Variants in BCAS3 observed in about 807,000 individuals in gnomAD.
BCAS3 encodes the protein BCAS4/BCAS3 fusion.
In BCAS3, 53 loss-of-function variants were observed where a neutral mutation model predicts 116.1. The ratio of observed to expected loss-of-function variants is 0.46; its 90% confidence interval spans 0.37 to 0.57. The LOEUF is 0.57. Among genes scored for constraint, BCAS3 ranks in the 20% least tolerant of loss-of-function variants. The probability of loss-of-function intolerance (pLI) is 0.00; values close to 1 mark genes in which losing one functional copy is unlikely to be tolerated. For missense variants in BCAS3, 917 were observed against 1,165.4 expected, an observed-to-expected ratio of 0.79 and a Z score of 3.10; for synonymous variants, 391 against 408.2, an observed-to-expected ratio of 0.96 and a Z score of 0.51.
intron 23 of BCAS3, among the ~76,000 whole-genome samples, chr17:61,375,977 G>T (rs916789835): frequency 6.6e-6 from 1 of 152,182 alleles, no homozygotes; most frequent in Non-Finnish European, 1.5e-5. Context: ...ATTTGACTTT[G>T]CAGACATTTC....
Position 61,092,159 on chromosome 17 carries a change from G to A in BCAS3, c.2425+7595G>A, listed in dbSNP as rs757501457. Among the ~76,000 whole-genome samples the A allele has an allele frequency of 7.2e-5, 11 of 152,208 alleles. No homozygotes were observed. The Middle Eastern group carries it at 0.01, about 141-fold the overall frequency. On this transcript the variant is annotated intron_variant, in intron 22 of 23. Coordinates refer to ENST00000407086, the MANE Select transcript of BCAS3 (RefSeq NM_017679.5). Reference sequence around the variant, plus strand: ...CTCTTTTGCTCAACTTAATTTGTTTGAGATTCATCCAGGTATTACATGAAT... The same window carrying A: ...CTCTTTTGCTCAACTTAATTTGTTTAAGATTCATCCAGGTATTACATGAAT...
chr17:60,849,989 C>G (rs1004112929), intron 7 of BCAS3, among the ~76,000 whole-genome samples: 3 of 152,112 alleles, frequency 2.0e-5, no homozygotes, highest in Non-Finnish European at 4.4e-5. Flanking sequence ...AACTTCTGGG[C>G]TCAAGCAATC....
At chr17:61,297,804 G>T (rs545086842) in intron 22 of BCAS3, among the ~76,000 whole-genome samples, 2 of 152,148 alleles carry the variant, frequency 1.3e-5, no homozygotes, top group Admixed American at 1.3e-4. Context: ...TGCTCTCAAC[G>T]GTATTTTTAT....
At chr17:61,015,464 A>T (rs2065391163) in intron 15 of BCAS3, among the ~76,000 whole-genome samples, 1 of 151,976 alleles carries the variant, frequency 6.6e-6, no homozygotes, top group African/African-American at 2.4e-5. Flanking sequence ...AATTTTTGAT[A>T]TTTTTTGTAG....
chr17:61,122,942 C>CTT lies in BCAS3; in HGVS notation c.2425+38393_2425+38394dup, dbSNP rs199905153. Among the ~76,000 whole-genome samples the CTT allele has an allele frequency of 5.1e-5, 7 of 136,276 alleles. No individual in the cohort carries two copies. The highest frequency in any genetic ancestry group is 2.4e-4 in the South Asian group (1 of 4,206). The allele number at this position is 136,276 out of a possible 152,430, so 89.4% of individuals were successfully genotyped here. On this transcript the variant is annotated intron_variant, in intron 22 of 23. Transcript: ENST00000407086. This position sits in a 1 kb window ranked among gnomAD's most constrained non-coding sequence, Gnocchi z 4.6. ...GAAAGATTCCACATTATGGGTAAGT[C>CTT]TTTTTTTTTTTTTTTTGAGATGGAG...
At position 61,077,709 on chromosome 17, in the gene BCAS3, G is replaced by GA. The variant is rs1307850206; in HGVS notation, c.2131-620dup. Among the ~76,000 whole-genome samples the GA allele has an allele frequency of 2.6e-5, 4 of 152,106 alleles. No homozygotes were observed. Among genetic ancestry groups the GA allele is most frequent in the Non-Finnish European group, 4.4e-5 (3 of 68,014 alleles). On this transcript the variant is annotated intron_variant, in intron 20 of 23. Transcript: ENST00000407086. This position sits in a 1 kb window ranked among gnomAD's most constrained non-coding sequence, Gnocchi z 4.3. ...TGGAAGACAAAAATCTAGTTTGAGAGAAAATATATAATAATGTTTTCATTT... is the reference window on the plus strand; with the variant it reads ...TGGAAGACAAAAATCTAGTTTGAGAGAAAAATATATAATAATGTTTTCATTT...
In BCAS3 at chr17:61,271,424, A is replaced by ATTTTTTTTT. The variant is rs71148400; in HGVS notation, c.2426-96898_2426-96890dup. ...TACAGGTGTAAGCCACCATGCCCGG[A>ATTTTTTTTT]TTTTTTTTTTTTTGTCTTAGGTGGA... On this transcript the variant is annotated intron_variant, in intron 22 of 23. Coordinates refer to ENST00000407086, the MANE Select transcript of BCAS3 (RefSeq NM_017679.5). Among the ~76,000 whole-genome samples the ATTTTTTTTT allele has an allele frequency of 2.2e-3, 153 of 70,240 alleles. 27 individuals carry two copies. Among genetic ancestry groups the ATTTTTTTTT allele is most frequent in the East Asian group, 6.9e-3 (13 of 1,888 alleles). 46.1% of individuals were successfully genotyped at this position (70,240 alleles called of 152,430 possible). A position where few individuals can be genotyped will look rare whatever the true frequency, so the allele number is the denominator to read the frequency against.
At chr17:60,830,899 T>G (rs7225552) in intron 7 of BCAS3, among the ~76,000 whole-genome samples, 32,984 of 151,170 alleles carry the variant, frequency 0.22, 4,644 homozygotes, top group African/African-American at 0.41. Context: ...TAAGACAAGG[T>G]CTTACTCTGT....
At chr17:60,704,401 G>A (rs1244240189) in intron 4 of BCAS3, among the ~76,000 whole-genome samples, 1 of 152,138 alleles carries the variant, frequency 6.6e-6, no homozygotes, top group East Asian at 1.9e-4. Flanking sequence ...CCTGAGCCTT[G>A]GAGGGAAAAG....
chr17:60,784,064 T>A (rs773961713), intron 6 of BCAS3, among the ~76,000 whole-genome samples: 5 of 152,156 alleles, frequency 3.3e-5, no homozygotes, highest in Non-Finnish European at 7.4e-5. Flanking sequence ...TCTAAACATC[T>A]GGAATATGGT....
chr17:60,798,235 A>G (rs1431550049), intron 6 of BCAS3, among the ~76,000 whole-genome samples: 2 of 152,224 alleles, frequency 1.3e-5, no homozygotes, highest in East Asian at 3.8e-4. Flanking sequence ...ATTTTCATAA[A>G]TGTGTAATGA....
intron 22 of BCAS3, among the ~76,000 whole-genome samples, chr17:61,329,048 C>G (rs1300716377): frequency 6.6e-6 from 1 of 151,918 alleles, no homozygotes; most frequent in Non-Finnish European, 1.5e-5. Flanking sequence ...GTGCCCACCA[C>G]CACGCCCGGC....
chr17:60,684,371 A>C (rs2033713389), intron 3 of BCAS3, among the ~76,000 whole-genome samples: 1 of 152,066 alleles, frequency 6.6e-6, no homozygotes, highest in African/African-American at 2.4e-5. Context: ...AGCAATATAC[A>C]CTCTGCACTC....
chr17:60,895,834 C>T (rs2057471842), intron 10 of BCAS3, among the ~76,000 whole-genome samples: 1 of 152,048 alleles, frequency 6.6e-6, no homozygotes, highest in African/African-American at 2.4e-5. Flanking sequence ...TTCCAGAGTC[C>T]CTTTTGGTAT....
intron 22 of BCAS3, among the ~76,000 whole-genome samples, chr17:61,102,932 A>C (rs1251003305): frequency 1.3e-5 from 2 of 152,118 alleles, no homozygotes; most frequent in African/African-American, 4.8e-5. Context: ...ATAATGTATT[A>C]TGAGCATCCT....
intron 6 of BCAS3, among the ~76,000 whole-genome samples, chr17:60,763,996 A>C (rs1399119570): frequency 6.6e-6 from 1 of 152,130 alleles, no homozygotes; most frequent in African/African-American, 2.4e-5. Context: ...AGGTGTTTAT[A>C]GTATTCTCTG....
At chr17:61,212,208 T>A (rs1001935634) in intron 22 of BCAS3, among the ~76,000 whole-genome samples, 4 of 152,226 alleles carry the variant, frequency 2.6e-5, no homozygotes, top group African/African-American at 9.6e-5. Flanking sequence ...AAGGATATCC[T>A]ATTTTGAAGC....
chr17:60,957,128 A>T (rs867083184), intron 14 of BCAS3, among the ~76,000 whole-genome samples: 4 of 152,204 alleles, frequency 2.6e-5, no homozygotes, highest in Non-Finnish European at 5.9e-5. Context: ...ATATTTTGTT[A>T]ACATACTTTC....
chr17:61,130,780 G>C lies in BCAS3; in HGVS notation c.2425+46216G>C, dbSNP rs998388726. ...CGTCAAGAAATATTGGTCTTGGCCA[G>C]GAGCGGTGCCTCACACCTGTAATCC... On this transcript the variant is annotated intron_variant, in intron 22 of 23. Coordinates refer to ENST00000407086, the MANE Select transcript of BCAS3 (RefSeq NM_017679.5). This position sits in a 1 kb window ranked among gnomAD's most constrained non-coding sequence, Gnocchi z 5.0. 1.3e-5 allele frequency: 2 copies of C among 152,368 alleles called. No individual in the cohort carries two copies. The highest frequency in any genetic ancestry group is 6.5e-5 in the Admixed American group (1 of 15,288). 9.4% of individuals were successfully genotyped at this position (152,368 alleles called of 1,614,324 possible).
Sources: gnomAD v4.1 joint callset for allele counts (sites outside exome capture counted in the v4.1 genomes callset) on GRCh38, gnomAD v4.1.1 for gene constraint, Gnocchi (gnomAD v3.1) non-coding constraint, MANE v1.5 for transcripts, NCBI Gene and HGNC (gene_info 2026-07-23, HGNC 2026-07-21) for gene names.